Variants in AGMO observed in about 807,000 individuals in gnomAD.
AGMO encodes the protein alkylglycerol monooxygenase.
A neutral mutation model predicts 60.2 loss-of-function variants in AGMO; 75 were observed. The ratio of observed to expected loss-of-function variants is 1.25; its 90% confidence interval spans 1.03 to 1.51. The LOEUF is 1.51. AGMO is among the 40% of genes most tolerant of loss of function. AGMO has a pLI of 0.00. For synonymous variants in AGMO, 261 were observed against 177.1 expected (o/e 1.47, Z -3.76); for missense variants, 763 against 525.5 (o/e 1.45, Z -4.42).
At chr7:15,256,446 C>G (rs750979805) in intron 12 of AGMO, among the ~76,000 whole-genome samples, 2 of 152,070 alleles carry the variant, frequency 1.3e-5, no homozygotes, top group Non-Finnish European at 2.9e-5. Flanking sequence ...AGGTTCACGC[C>G]ATTCTCCTGC....
At chr7:15,198,376 C>T (rs1183614476), downstream of AGMO, among the ~76,000 whole-genome samples, 2 of 152,078 alleles carry the variant, frequency 1.3e-5, no homozygotes, top group Non-Finnish European at 2.9e-5. Context: ...TATTAGTGCT[C>T]TGCAAAAGAA....
At chr7:15,385,195 T>A (rs1783864380) in intron 10 of AGMO, among the ~76,000 whole-genome samples, 1 of 152,230 alleles carries the variant, frequency 6.6e-6, no homozygotes. Context: ...AAATAATTTC[T>A]TATTTATCAC....
chr7:15,210,556 C>T (rs7792050), intron 12 of AGMO, among the ~76,000 whole-genome samples: 101,348 of 151,928 alleles, frequency 0.67, 34,857 homozygotes, highest in African/African-American at 0.85. Flanking sequence ...ATTTGACATA[C>T]TAGAATAAGA....
intron 3 of AGMO, among the ~76,000 whole-genome samples, chr7:15,526,619 G>C (rs530271323): frequency 1.3e-5 from 2 of 152,196 alleles, no homozygotes; most frequent in Admixed American, 6.5e-5. Context: ...CCTGAGCCAT[G>C]GTCACTCATA....
At chr7:15,182,873 G>A in the AGMO span, among the ~76,000 whole-genome samples, 7 of 152,112 alleles carry the variant, frequency 4.6e-5, no homozygotes, top group South Asian at 2.1e-4. Flanking sequence ...ACTTTCAATC[G>A]TGGTGGAAGA....
the AGMO span, among the ~76,000 whole-genome samples, chr7:15,133,653 G>C: frequency 6.6e-6 from 1 of 152,130 alleles, no homozygotes; most frequent in African/African-American, 2.4e-5. Flanking sequence ...AACAATTGAA[G>C]CTACGCAGAG....
intron 3 of AGMO, among the ~76,000 whole-genome samples, chr7:15,528,558 C>T (rs979831461): frequency 5.9e-5 from 9 of 152,104 alleles, no homozygotes; most frequent in African/African-American, 1.9e-4. Flanking sequence ...CTGAAACTGA[C>T]ATCCAGTTTG....
chr7:15,209,369 C>CA (rs753559065), intron 12 of AGMO, among the ~76,000 whole-genome samples: 3 of 137,980 alleles, frequency 2.2e-5, no homozygotes, highest in Non-Finnish European at 4.6e-5. Context: ...ATGTAGGAAA[C>CA]AAAAAAAAGT....
At chr7:15,437,889 A>G (rs115558220) in intron 3 of AGMO, among the ~76,000 whole-genome samples, 1 of 152,162 alleles carries the variant, frequency 6.6e-6, no homozygotes. Flanking sequence ...AGTAAGCTCC[A>G]TGAGTCTTTA....
intron 3 of AGMO, among the ~76,000 whole-genome samples, chr7:15,462,566 A>G (rs1197484106): frequency 6.6e-6 from 1 of 152,172 alleles, no homozygotes; most frequent in East Asian, 1.9e-4. Context: ...TGGCTAAATT[A>G]TAGTCATGCA....
At chr7:15,361,316 G>C (rs190404562) in intron 12 of AGMO, among the ~76,000 whole-genome samples, 61 of 151,580 alleles carry the variant, frequency 4.0e-4, no homozygotes, top group African/African-American at 1.4e-3. Flanking sequence ...AAGGCAGGCG[G>C]ATCACCAGGT....
chr7:15,167,580 T>G, the AGMO span, among the ~76,000 whole-genome samples: 2 of 152,230 alleles, frequency 1.3e-5, no homozygotes, highest in Non-Finnish European at 1.5e-5. Context: ...TAACACATTT[T>G]AGCCATTCAC....
chr7:15,462,345 A>G (rs1022232875), intron 3 of AGMO, among the ~76,000 whole-genome samples: 4 of 152,190 alleles, frequency 2.6e-5, no homozygotes, highest in African/African-American at 9.6e-5. Context: ...AAAATCTAAT[A>G]AAAGTTATTT....
chr7:15,555,772 G>T (rs956975802), intron 2 of AGMO, among the ~76,000 whole-genome samples: 1 of 151,874 alleles, frequency 6.6e-6, no homozygotes, highest in African/African-American at 2.4e-5. Context: ...ACCAGGGAAG[G>T]TTCATCTAAT....
chr7:15,158,365 A>T, the AGMO span, among the ~76,000 whole-genome samples: 1 of 152,180 alleles, frequency 6.6e-6, no homozygotes, highest in African/African-American at 2.4e-5. Flanking sequence ...TCTAAAAGAG[A>T]AACTATGAAA....
At chr7:15,256,656 C>G (rs1372573945) in intron 12 of AGMO, among the ~76,000 whole-genome samples, 10 of 152,192 alleles carry the variant, frequency 6.6e-5, no homozygotes, top group Admixed American at 5.9e-4. Context: ...GCCACTGCAC[C>G]TGGCTCAGAG....
chr7:15,127,118 T>C, the AGMO span, among the ~76,000 whole-genome samples: 1 of 152,092 alleles, frequency 6.6e-6, no homozygotes, highest in Admixed American at 6.6e-5. Flanking sequence ...TTAGATGTAT[T>C]TGATTGATGT....
chr7:15,194,859 A>C, the AGMO span, among the ~76,000 whole-genome samples: 1 of 152,086 alleles, frequency 6.6e-6, no homozygotes, highest in Non-Finnish European at 1.5e-5. Context: ...TCTAGAGAGA[A>C]TTAGCCCCCT....
intron 12 of AGMO, among the ~76,000 whole-genome samples, chr7:15,316,872 G>GACGT (rs1780942330): frequency 6.6e-6 from 1 of 152,024 alleles, no homozygotes; most frequent in Non-Finnish European, 1.5e-5. Flanking sequence ...ACAGTATGTA[G>GACGT]ACGTCATAAC....
Sources: allele counts gnomAD v4.1 joint callset (sites outside exome capture counted in the v4.1 genomes callset), GRCh38; gene constraint gnomAD v4.1.1; transcripts MANE v1.5; gene names NCBI Gene and HGNC (gene_info 2026-07-23, HGNC 2026-07-21).